Variants in TEAD1 observed in about 807,000 individuals in gnomAD.
TEAD1 encodes the protein transcriptional enhancer factor TEF-1.
Under a neutral mutation model 54.9 loss-of-function variants are expected in TEAD1, and 9 were observed. That is an observed-to-expected ratio of 0.16 (90% CI 0.10 to 0.29). The LOEUF (loss-of-function observed/expected upper bound fraction) is 0.29, where lower values mean the gene tolerates loss of function less well. Ranked by LOEUF, TEAD1 falls within the 10% of genes least tolerant of loss-of-function variation. The pLI, the probability that TEAD1 is intolerant of heterozygous loss-of-function variation, is 1.00. For missense variants in TEAD1, 387 were observed against 535.9 expected (o/e 0.72, Z 2.74); for synonymous variants, 200 against 187.8 (o/e 1.07, Z -0.53).
intron 9 of TEAD1, among the ~76,000 whole-genome samples, chr11:12,889,836 C>T (rs1252321550): frequency 6.6e-6 from 1 of 152,152 alleles, no homozygotes; most frequent in Non-Finnish European, 1.5e-5. Flanking sequence ...ATTGTCCCAT[C>T]TCAGCCTACC....
At chr11:12,871,859 C>T (rs1240653506) in intron 5 of TEAD1, among the ~76,000 whole-genome samples, 1 of 152,170 alleles carries the variant, frequency 6.6e-6, no homozygotes, top group Admixed American at 6.5e-5. Context: ...GTATTCACGT[C>T]AGGCTCTGGA....
intron 3 of TEAD1, among the ~76,000 whole-genome samples, chr11:12,850,010 A>G (rs1447650376): frequency 6.6e-6 from 1 of 152,240 alleles, no homozygotes; most frequent in Non-Finnish European, 1.5e-5. Context: ...CAATAGAAGC[A>G]TCATGGGTTT....
chr11:12,702,325 G>A (rs1260759483), intron 2 of TEAD1, among the ~76,000 whole-genome samples: 2 of 152,262 alleles, frequency 1.3e-5, no homozygotes, highest in East Asian at 1.9e-4. Flanking sequence ...CGTGGACAAC[G>A]TTAAGTGGAG....
rs1458348236 is a variant in TEAD1, at chr11:12,674,580, G to C, written c.-462G>C. On this transcript the variant is annotated 5_prime_UTR_variant, in exon 1 of 13. Transcript: ENST00000527636. ...CGGGCCATTCCGCGCGGCGGGGCCC[G>C]GGCCCGGGGCGGCCGCGTCCAGGCA... 4 of 150,850 alleles carry C rather than the reference G, an allele frequency of 2.7e-5. No individual in the cohort carries two copies. Among genetic ancestry groups the C allele is most frequent in the Non-Finnish European group, 4.4e-5 (3 of 67,756 alleles). 9.3% of individuals were successfully genotyped at this position (150,850 alleles called of 1,614,324 possible).
intron 5 of TEAD1, among the ~76,000 whole-genome samples, chr11:12,872,752 A>G (rs1947777898): frequency 6.6e-6 from 1 of 152,240 alleles, no homozygotes; most frequent in African/African-American, 2.4e-5. Flanking sequence ...ATAATGCCCT[A>G]GAATGACATC....
chr11:12,806,005 C>G (rs185478928), intron 3 of TEAD1, among the ~76,000 whole-genome samples: 64 of 152,210 alleles, frequency 4.2e-4, no homozygotes, highest in African/African-American at 1.4e-3. Context: ...AATGGCAGCA[C>G]TTTCATGTTT....
chr11:12,780,878 C>T (rs1945528414), intron 3 of TEAD1, among the ~76,000 whole-genome samples: 1 of 152,080 alleles, frequency 6.6e-6, no homozygotes, highest in Admixed American at 6.5e-5. Flanking sequence ...AAATTCAAGA[C>T]CCAGAATAGC....
At position 12,800,469 on chromosome 11, in the gene TEAD1, G is replaced by A. The variant is rs544317364; in HGVS notation, c.202+36035G>A. Among the ~76,000 whole-genome samples, 108 of 152,322 alleles carry A rather than the reference G, an allele frequency of 7.1e-4. 1 individual carries two copies. Among genetic ancestry groups the A allele is most frequent in the Admixed American group, 2.5e-3 (38 of 15,304 alleles). On this transcript the variant is annotated intron_variant, in intron 3 of 12. Transcript: ENST00000527636. ...GGATAGTTCTCATACCAGCTGGGGA[G>A]ACTGACAGGAAACACAGCGATGGTT...
chr11:12,783,131 T>TGTGC (rs1335967090), intron 3 of TEAD1, among the ~76,000 whole-genome samples: 4 of 148,296 alleles, frequency 2.7e-5, no homozygotes, highest in Non-Finnish European at 4.4e-5. Context: ...TGTGTGTGTG[T>TGTGC]GTGCGCGCAC....
At chr11:12,883,263 G>T in intron 9 of TEAD1, 138 bp downstream of exon 9, 2 of 1,376,984 alleles carry the variant, frequency 1.5e-6, no homozygotes, top group Non-Finnish European at 1.0e-6. Flanking sequence ...GCCTAGGAAA[G>T]AATAGCCTTT....
At chr11:12,884,348 C>G (rs973652427) in intron 9 of TEAD1, among the ~76,000 whole-genome samples, 5 of 152,182 alleles carry the variant, frequency 3.3e-5, no homozygotes, top group African/African-American at 1.2e-4. Context: ...CAACTCTCAC[C>G]ACGTTCTCTA....
chr11:12,889,862 C>T (rs1457695118), intron 9 of TEAD1, among the ~76,000 whole-genome samples: 1 of 152,126 alleles, frequency 6.6e-6, no homozygotes, highest in African/African-American at 2.4e-5. Context: ...GCTGGGACTA[C>T]AGGCATGCAC....
At chr11:12,838,552 A>G (rs1946956191) in intron 3 of TEAD1, among the ~76,000 whole-genome samples, 1 of 152,264 alleles carries the variant, frequency 6.6e-6, no homozygotes. Flanking sequence ...CTTTGAAGAT[A>G]AATTTTAACA....
At chr11:12,757,753 G>A (rs564323097) in intron 2 of TEAD1, among the ~76,000 whole-genome samples, 1 of 152,182 alleles carries the variant, frequency 6.6e-6, no homozygotes, top group African/African-American at 2.4e-5. Flanking sequence ...GTGTTTTCTG[G>A]TTGTTGGTTC....
At chr11:12,708,196 G>A (rs915040426) in intron 2 of TEAD1, among the ~76,000 whole-genome samples, 1 of 151,908 alleles carries the variant, frequency 6.6e-6, no homozygotes, top group Non-Finnish European at 1.5e-5. Flanking sequence ...ATACTGCTGG[G>A]AGATGCTGCC....
chr11:12,769,740 T>C (rs1945278086), intron 3 of TEAD1, among the ~76,000 whole-genome samples: 1 of 152,170 alleles, frequency 6.6e-6, no homozygotes, highest in Non-Finnish European at 1.5e-5. Context: ...CAGGGTGTTA[T>C]TTCAAGTTAA....
intron 2 of TEAD1, among the ~76,000 whole-genome samples, chr11:12,678,560 A>G (rs1943146026): frequency 6.6e-6 from 1 of 152,232 alleles, no homozygotes; most frequent in South Asian, 2.1e-4. Flanking sequence ...ATTCAGGTCC[A>G]TCCTACGCAC....
chr11:12,753,674 A>G (rs528645978), intron 2 of TEAD1, among the ~76,000 whole-genome samples: 16 of 152,258 alleles, frequency 1.1e-4, no homozygotes, highest in African/African-American at 3.9e-4. Flanking sequence ...ATGTGTTGCA[A>G]GTATCTACTT....
intron 2 of TEAD1, among the ~76,000 whole-genome samples, chr11:12,741,843 G>A (rs947408832): frequency 2.6e-5 from 4 of 152,206 alleles, no homozygotes; most frequent in Non-Finnish European, 5.9e-5. Flanking sequence ...GAGCTCCTGG[G>A]ATCACAGTGG....
Sources: gnomAD v4.1 joint callset for allele counts (sites outside exome capture counted in the v4.1 genomes callset) on GRCh38, gnomAD v4.1.1 for gene constraint, MANE v1.5 for transcripts, NCBI Gene and HGNC (gene_info 2026-07-23, HGNC 2026-07-21) for gene names.